The following NPAS3 variants were observed in gnomAD, a reference collection of about 807,000 sequenced individuals.
NPAS3 encodes neuronal PAS domain protein 3, also known as neuronal PAS domain-containing protein 3.
NPAS3 carries 14 observed loss-of-function variants against 73.1 expected under a neutral mutation model. The observed-to-expected ratio is 0.19, with a 90% confidence interval of 0.13 to 0.30. NPAS3 has a LOEUF of 0.30. NPAS3 is among the 10% of genes least tolerant of loss of function. The probability of loss-of-function intolerance (pLI) is 1.00; values close to 1 mark genes in which losing one functional copy is unlikely to be tolerated. For synonymous variants in NPAS3, 620 were observed against 541.5 expected (o/e 1.14, Z -2.01); for missense variants, 1,096 against 1,250.0 (o/e 0.88, Z 1.86).
intron 1 of NPAS3, among the ~76,000 whole-genome samples, chr14:32,945,948 T>C (rs2036232661): frequency 6.6e-6 from 1 of 152,186 alleles, no homozygotes; most frequent in South Asian, 2.1e-4. Context: ...CTCAAGGCCC[T>C]CTTCTGCTCA....
intron 2 of NPAS3, among the ~76,000 whole-genome samples, chr14:33,087,793 C>T (rs772278466): frequency 6.6e-6 from 1 of 152,110 alleles, no homozygotes; most frequent in Non-Finnish European, 1.5e-5. Flanking sequence ...TTAATGAAAA[C>T]TTAGTATATC....
At chr14:33,366,507 C>T (rs902945555) in intron 3 of NPAS3, among the ~76,000 whole-genome samples, 1 of 152,146 alleles carries the variant, frequency 6.6e-6, no homozygotes, top group African/African-American at 2.4e-5. Flanking sequence ...TGTTCGGGAA[C>T]TCCAGATAAG....
chr14:33,043,300 G>A (rs567953715), intron 1 of NPAS3, among the ~76,000 whole-genome samples: 24 of 152,156 alleles, frequency 1.6e-4, no homozygotes, highest in Non-Finnish European at 3.4e-4. Flanking sequence ...TATACTAAAC[G>A]ATAATTCAGT....
intron 2 of NPAS3, among the ~76,000 whole-genome samples, chr14:33,207,718 T>C: frequency 6.6e-6 from 1 of 152,164 alleles, no homozygotes; most frequent in Non-Finnish European, 1.5e-5. Context: ...ACCAAGGAGA[T>C]AGCATTTACT....
intron 5 of NPAS3, among the ~76,000 whole-genome samples, chr14:33,576,605 T>A (rs1416235909): frequency 6.6e-6 from 1 of 152,146 alleles, no homozygotes; most frequent in African/African-American, 2.4e-5. Context: ...GAGATCTCAA[T>A]AAATAAAACA....
intron 2 of NPAS3, among the ~76,000 whole-genome samples, chr14:33,119,675 G>T (rs1418010926): frequency 6.6e-6 from 1 of 152,066 alleles, no homozygotes. Flanking sequence ...GGAAAATGAT[G>T]AAAGGAAAAC....
intron 1 of NPAS3, among the ~76,000 whole-genome samples, chr14:33,015,779 C>T (rs1003424608): frequency 6.6e-6 from 1 of 152,090 alleles, no homozygotes; most frequent in African/African-American, 2.4e-5. Context: ...AAATTACCTA[C>T]GGGCAGTAAA....
intron 10 of NPAS3, 44 bp from the exon 11 acceptor site, chr14:33,797,413 C>G (rs2063542907): frequency 6.2e-7 from 1 of 1,600,610 alleles, no homozygotes; most frequent in African/African-American, 1.3e-5. Context: ...ACAAACCATG[C>G]AGAATGGGTG....
At chr14:33,709,412 G>GC (rs1417958835) in intron 6 of NPAS3, among the ~76,000 whole-genome samples, 1 of 152,106 alleles carries the variant, frequency 6.6e-6, no homozygotes, top group Non-Finnish European at 1.5e-5. Context: ...GCTACTTCCC[G>GC]CCCCCATTCT....
At chr14:33,267,254 T>C (rs140294081) in intron 3 of NPAS3, among the ~76,000 whole-genome samples, 3 of 152,328 alleles carry the variant, frequency 2.0e-5, no homozygotes, top group Middle Eastern at 3.4e-3. Context: ...TGCTTCCAGC[T>C]CATTGTACTT....
At chr14:33,721,488 A>C (rs1029492571) in intron 6 of NPAS3, among the ~76,000 whole-genome samples, 24 of 152,126 alleles carry the variant, frequency 1.6e-4, no homozygotes, top group African/African-American at 4.1e-4. Flanking sequence ...TTAACACCCC[A>C]AAAAAATCAC....
intron 6 of NPAS3, among the ~76,000 whole-genome samples, chr14:33,695,888 T>C (rs1234455877): frequency 6.6e-6 from 1 of 152,208 alleles, no homozygotes; most frequent in Non-Finnish European, 1.5e-5. Context: ...CTGTGGGGTT[T>C]CCCTGCATAA....
At chr14:33,768,937 T>C (rs756571699) in intron 7 of NPAS3, among the ~76,000 whole-genome samples, 9 of 152,206 alleles carry the variant, frequency 5.9e-5, no homozygotes, top group Non-Finnish European at 1.0e-4. Context: ...TTTGATATGT[T>C]AGCACTGGGA....
chr14:33,297,527 G>A (rs1410077493), intron 3 of NPAS3, among the ~76,000 whole-genome samples: 2 of 152,058 alleles, frequency 1.3e-5, no homozygotes, highest in Non-Finnish European at 2.9e-5. Flanking sequence ...GAGATGCTGA[G>A]CATGCATTTC....
intron 6 of NPAS3, among the ~76,000 whole-genome samples, chr14:33,690,272 A>G (rs2060199375): frequency 6.6e-6 from 1 of 152,156 alleles, no homozygotes; most frequent in African/African-American, 2.4e-5. Context: ...CCAGTTCATC[A>G]CTAATCTTGA....
intron 2 of NPAS3, among the ~76,000 whole-genome samples, chr14:33,133,532 A>G (rs1028462207): frequency 1.3e-5 from 2 of 152,200 alleles, no homozygotes. Context: ...ATTGCTATCT[A>G]ATGAATGTGT....
At position 33,601,501 on chromosome 14, in the gene NPAS3, T is replaced by A. The variant is rs183002972; in HGVS notation, c.558+41291T>A. Among the ~76,000 whole-genome samples the A allele has an allele frequency of 3.0e-4, 46 of 152,346 alleles. No individual in the cohort carries two copies. The East Asian group carries it at 8.3e-3, about 28-fold the overall frequency. On this transcript the variant is annotated intron_variant, in intron 5 of 11. Coordinates refer to ENST00000356141, the Ensembl canonical transcript of NPAS3. ...GAGGACATAGGTAGTCCTAGAATTA[T>A]TTAAACTGGAAAACCAGCTTGGAGA... is the stretch of plus-strand genomic sequence containing the variant.
chr14:33,527,917 C>T (rs1050166303), intron 4 of NPAS3, among the ~76,000 whole-genome samples: 2 of 152,036 alleles, frequency 1.3e-5, no homozygotes, highest in Non-Finnish European at 2.9e-5. Flanking sequence ...GAACACATTC[C>T]TTCCATTTCA....
intron 5 of NPAS3, among the ~76,000 whole-genome samples, chr14:33,643,399 C>CGA (rs1555427050): frequency 1.6e-5 from 1 of 62,858 alleles, no homozygotes; most frequent in Non-Finnish European, 3.6e-5. Context: ...AAAAAAAAAA[C>CGA]GAGAGAGATG....
Sources: allele counts gnomAD v4.1 joint callset (sites outside exome capture counted in the v4.1 genomes callset), GRCh38; gene constraint gnomAD v4.1.1; transcripts MANE v1.5; gene names NCBI Gene and HGNC (gene_info 2026-07-23, HGNC 2026-07-21).